TMOD2: variants seen among roughly 807,000 people sequenced by gnomAD.
The protein encoded by TMOD2 is tropomodulin-2.
TMOD2 carries 22 observed loss-of-function variants against 39.9 expected under a neutral mutation model. That is an observed-to-expected ratio of 0.55 (90% CI 0.39 to 0.79). The LOEUF is 0.79. Among genes scored for constraint, TMOD2 ranks in the 30% least tolerant of loss-of-function variants. TMOD2 has a pLI of 0.00. For synonymous variants in TMOD2, 123 were observed against 146.1 expected (o/e 0.84, Z 1.14); for missense variants, 386 against 413.3 (o/e 0.93, Z 0.57).
At chr15:51,764,183 G>T (rs1454403468) in intron 1 of TMOD2, among the ~76,000 whole-genome samples, 4 of 152,168 alleles carry the variant, frequency 2.6e-5, no homozygotes, top group Admixed American at 2.0e-4. Context: ...CGGGCTTCGT[G>T]TTGCACACTT....
intron 8 of TMOD2, among the ~76,000 whole-genome samples, chr15:51,801,074 C>A (rs1460340230): frequency 6.6e-6 from 1 of 152,114 alleles, no homozygotes; most frequent in African/African-American, 2.4e-5. Flanking sequence ...TGTGGTGGCT[C>A]ACACCTGTAA....
Position 51,795,563 on chromosome 15 carries a change from C to CTGCTTGCT in TMOD2, c.733-2624_733-2617dup, listed in dbSNP as rs144124016. Among the ~76,000 whole-genome samples, 46 of 82,824 alleles carry CTGCTTGCT rather than the reference C, an allele frequency of 5.6e-4. 1 individual carries two copies. The highest frequency in any genetic ancestry group is 5.2e-3 in the East Asian group (19 of 3,662). 54.3% of individuals were successfully genotyped at this position (82,824 alleles called of 152,430 possible). A position where few individuals can be genotyped will look rare whatever the true frequency, so the allele number is the denominator to read the frequency against. ...TAATTATTTGATAACTTCTTCTCTT[C>CTGCTTGCT]TGCTTGCTTGCTTGCTTTCTTTCTT... On this transcript the variant is annotated intron_variant, in intron 7 of 9. Coordinates refer to ENST00000249700, the MANE Select transcript of TMOD2 (RefSeq NM_014548.4).
intron 1 of TMOD2, among the ~76,000 whole-genome samples, chr15:51,763,371 ATGT>A (rs2055794862): frequency 1.3e-5 from 2 of 152,268 alleles, no homozygotes; most frequent in Non-Finnish European, 1.5e-5. Flanking sequence ...AAAAGGGGAA[ATGT>A]AAGTGAAATG....
chr15:51,766,436 G>A lies in TMOD2; in HGVS notation c.-6G>A, dbSNP rs573079799. Reference sequence around the variant, plus strand: ...CATGGCCCATGAGAAAGGCTTATAAGAAGCCATGGCACTCCCCTTTCAAAA... The same window carrying A: ...CATGGCCCATGAGAAAGGCTTATAAAAAGCCATGGCACTCCCCTTTCAAAA... On this transcript the variant is annotated 5_prime_UTR_variant, in exon 2 of 10. Transcript: ENST00000249700. 6.2e-7 allele frequency: 1 copy of A among 1,613,498 alleles called. No homozygotes were observed. Among genetic ancestry groups the A allele is most frequent in the South Asian group, 1.1e-5 (1 of 91,050 alleles).
At chr15:51,774,998 C>T (rs1010084053) in intron 4 of TMOD2, among the ~76,000 whole-genome samples, 1 of 152,106 alleles carries the variant, frequency 6.6e-6, no homozygotes, top group Non-Finnish European at 1.5e-5. Flanking sequence ...CTCAGCTTCC[C>T]TCCCTCGTCC....
intron 1 of TMOD2, among the ~76,000 whole-genome samples, chr15:51,754,937 G>A (rs2055732079): frequency 6.6e-6 from 1 of 152,210 alleles, no homozygotes; most frequent in African/African-American, 2.4e-5. Context: ...GCATTTTTGA[G>A]TGAAAGGTCA....
intron 1 of TMOD2, among the ~76,000 whole-genome samples, chr15:51,753,520 GA>G (rs1394338839): frequency 6.6e-5 from 10 of 152,134 alleles, no homozygotes; most frequent in Admixed American, 6.5e-4. Context: ...AGTGAATTGG[GA>G]TGTGTGAACT....
At chr15:51,766,832 G>A in intron 2 of TMOD2, 1 of 254,660 alleles carries the variant, frequency 3.9e-6, no homozygotes, top group Non-Finnish European at 7.5e-6. Context: ...GACTAGTCTT[G>A]TTTAGGGGAA....
rs140758660 is a variant in TMOD2 at position 51,781,051 on chromosome 15, C to G, written c.501C>G (p.Val167=). The G allele has an allele frequency of 9.3e-5, 148 of 1,599,590 alleles. No individual in the cohort carries two copies. In the Middle Eastern group the frequency reaches 1.8e-3, roughly 20 times the overall value. The change falls in exon 6 of 10, where the codon GTC becomes GTG. Residue 167 remains valine, a synonymous_variant. Coordinates refer to ENST00000249700, the MANE Select transcript of TMOD2 (RefSeq NM_014548.4). ...KGGKGPVRNV[V]KGEKVKPVFE... ...TGAAAACTTGTGTTTTAGATGTTGT[C>G]AAAGGTGAAAAAGTAAAGCCAGTAT...
intron 7 of TMOD2, chr15:51,783,785 A>AGATG (rs1055943765): frequency 9.9e-5 from 15 of 151,872 alleles, no homozygotes; most frequent in African/African-American, 3.4e-4. Flanking sequence ...ATAGATAGAT[A>AGATG]GATAGATAAA....
intron 7 of TMOD2, chr15:51,784,572 T>C (rs2055955685): frequency 6.6e-6 from 1 of 152,222 alleles, no homozygotes; most frequent in African/African-American, 2.4e-5. Flanking sequence ...GGAACCAGGC[T>C]ACAAAAATCA....
At chr15:51,790,482 T>A (rs569912895) in intron 7 of TMOD2, among the ~76,000 whole-genome samples, 1 of 152,114 alleles carries the variant, frequency 6.6e-6, no homozygotes, top group Non-Finnish European at 1.5e-5. Context: ...TAGAAAAAGA[T>A]GGAATTCTCC....
At position 51,815,120 on chromosome 15, in the gene TMOD2, G is replaced by A. The variant is rs1054938734; in HGVS notation, c.*6666G>A. On this transcript the variant is annotated 3_prime_UTR_variant, in exon 10 of 10. Coordinates refer to ENST00000249700, the MANE Select transcript of TMOD2 (RefSeq NM_014548.4). The stretch of plus-strand genomic sequence containing the variant: ...CTACTAAAAATACAGAAATTAGCTG[G>A]GCCCTGTGGCAAGAGCCTGTTATCC... The A allele has an allele frequency of 5.9e-5, 9 of 152,186 alleles. No individual in the cohort carries two copies. The highest frequency in any genetic ancestry group is 2.2e-4 in the African/African-American group (9 of 41,400). The allele number at this position is 152,186 out of a possible 1,614,324, so 9.4% of individuals were successfully genotyped here.
chr15:51,753,253 G>A (rs757694596), intron 1 of TMOD2, among the ~76,000 whole-genome samples: 1 of 152,162 alleles, frequency 6.6e-6, no homozygotes, highest in Non-Finnish European at 1.5e-5. Context: ...AAGGTGGTTG[G>A]GGAATAGGAT....
intron 1 of TMOD2, among the ~76,000 whole-genome samples, chr15:51,759,861 G>T (rs1453293951): frequency 6.6e-6 from 1 of 152,216 alleles, no homozygotes; most frequent in African/African-American, 2.4e-5. Context: ...AGCTGCACAA[G>T]GAACCCTTAC....
chr15:51,779,687 T>C (rs1312718304), intron 5 of TMOD2, among the ~76,000 whole-genome samples: 2 of 135,776 alleles, frequency 1.5e-5, no homozygotes, highest in African/African-American at 5.7e-5. Context: ...ATGAAGATAC[T>C]TTTTTTTTTT....
chr15:51,779,852 T>C (rs1197322206), intron 5 of TMOD2, among the ~76,000 whole-genome samples: 2 of 152,068 alleles, frequency 1.3e-5, no homozygotes, highest in Admixed American at 6.5e-5. Context: ...GGCTAATTTT[T>C]AAAATTTATT....
rs770754947 is a variant in TMOD2, at chr15:51,773,755, A to G, written c.327A>G (p.Lys109=). The change falls in exon 4 of 10, where the codon AAA becomes AAG. Residue 109 remains lysine (K), a synonymous_variant. Coordinates refer to ENST00000249700, the MANE Select transcript of TMOD2 (RefSeq NM_014548.4). ...AAGAAAAGCCTATAGAAACTCGTAA[A>G]GAAGAAAAAGTGACCCTTGACCCAG... ...IPKEKPIETR[K]EEKVTLDPEL... 3.7e-6 allele frequency: 6 copies of G among 1,613,158 alleles called. No homozygotes were observed. The South Asian group carries it at 5.5e-5, about 15-fold the overall frequency.
chr15:51,782,910 T>G, intron 7 of TMOD2, 82 bp downstream of exon 7: 1 of 1,344,014 alleles, frequency 7.4e-7, no homozygotes, highest in South Asian at 1.3e-5. Flanking sequence ...TAGCTAACAA[T>G]TTTTTAGATC....
Sources: gnomAD v4.1 joint callset for allele counts (sites outside exome capture counted in the v4.1 genomes callset) on GRCh38, gnomAD v4.1.1 for gene constraint, MANE v1.5 for transcripts, NCBI Gene and HGNC (gene_info 2026-07-23, HGNC 2026-07-21) for gene names.